Variants in PPFIA2 observed in about 807,000 individuals in gnomAD.
PPFIA2 encodes the protein PPFI scaffold protein A2, also known as liprin-alpha-2.
PPFIA2 carries 46 observed loss-of-function variants against 175.5 expected under a neutral mutation model. The ratio of observed to expected loss-of-function variants is 0.26; its 90% CI spans 0.21 to 0.34. PPFIA2 has a LOEUF of 0.34. Among genes scored for constraint, PPFIA2 ranks in the 10% least tolerant of loss-of-function variants. The pLI is 1.00. For missense variants in PPFIA2, 1,179 were observed against 1,506.1 expected (o/e 0.78, Z 3.60); for synonymous variants, 568 against 511.4 (o/e 1.11, Z -1.49).
At chr12:81,478,377 G>GATTTTT (rs1335280141) in intron 4 of PPFIA2, among the ~76,000 whole-genome samples, 4 of 151,856 alleles carry the variant, frequency 2.6e-5, no homozygotes, top group Non-Finnish European at 5.9e-5. Flanking sequence ...TGGATTCATT[G>GATTTTT]ATTTTTTTGA....
chr12:81,331,592 C>CA (rs918368672), intron 21 of PPFIA2, among the ~76,000 whole-genome samples: 5 of 151,750 alleles, frequency 3.3e-5, no homozygotes, highest in African/African-American at 1.2e-4. Context: ...CATTTAGAGG[C>CA]AAAAAAAGCT....
chr12:81,355,044 T>A (rs2060664297), intron 16 of PPFIA2, among the ~76,000 whole-genome samples: 1 of 152,166 alleles, frequency 6.6e-6, no homozygotes, highest in African/African-American at 2.4e-5. Context: ...TTTGCCCCAA[T>A]CCATCAGAGG....
intron 4 of PPFIA2, among the ~76,000 whole-genome samples, chr12:81,570,828 A>G (rs2072400775): frequency 6.6e-6 from 1 of 151,768 alleles, no homozygotes; most frequent in African/African-American, 2.4e-5. Context: ...CATGTCTACC[A>G]GGAGATATCA....
At position 81,526,189 on chromosome 12, in the gene PPFIA2, C is replaced by A. The variant is rs144166307; in HGVS notation, c.304-68323G>T. On this transcript the variant is annotated intron_variant, in intron 4 of 32. Transcript: ENST00000549396. ...TAGCTTGAGACAGCATTTTTTATTC[C>A]CCTAATCTCAAATGTCAGCATAGGG... Among the ~76,000 whole-genome samples, 318 of 152,120 alleles carry A rather than the reference C, an allele frequency of 2.1e-3. 2 individuals are homozygous for A. Among genetic ancestry groups the A allele is most frequent in the African/African-American group, 7.5e-3 (311 of 41,498 alleles).
intron 4 of PPFIA2, among the ~76,000 whole-genome samples, chr12:81,526,734 G>A (rs1208308060): frequency 6.6e-6 from 1 of 152,084 alleles, no homozygotes; most frequent in African/African-American, 2.4e-5. Flanking sequence ...AAAGATAGAA[G>A]CAACAAATTT....
intron 4 of PPFIA2, among the ~76,000 whole-genome samples, chr12:81,606,331 T>C (rs773455631): frequency 6.6e-5 from 10 of 152,084 alleles, no homozygotes; most frequent in Non-Finnish European, 1.3e-4. Context: ...TTTGAGTATA[T>C]ACCCAGTAAT....
intron 4 of PPFIA2, among the ~76,000 whole-genome samples, chr12:81,459,056 C>A (rs1260967438): frequency 6.6e-6 from 1 of 152,118 alleles, no homozygotes; most frequent in Non-Finnish European, 1.5e-5. Flanking sequence ...TGCTTCAAAT[C>A]ATTTATTTTG....
intron 4 of PPFIA2, among the ~76,000 whole-genome samples, chr12:81,472,301 C>T (rs903808581): frequency 4.6e-5 from 7 of 151,904 alleles, no homozygotes; most frequent in African/African-American, 1.2e-4. Flanking sequence ...CACAATTTTG[C>T]GAATATACTA....
At chr12:81,648,549 G>A (rs116875575) in intron 4 of PPFIA2, among the ~76,000 whole-genome samples, 3 of 151,490 alleles carry the variant, frequency 2.0e-5, no homozygotes, top group African/African-American at 7.3e-5. Context: ...TTAAATATGG[G>A]TAAGATATCA....
chr12:81,643,717 A>G (rs1281796222), intron 4 of PPFIA2, among the ~76,000 whole-genome samples: 1 of 152,024 alleles, frequency 6.6e-6, no homozygotes, highest in Non-Finnish European at 1.5e-5. Flanking sequence ...TGGCTCAACA[A>G]AATCCCATGT....
chr12:81,468,082 C>T (rs1287355864), intron 4 of PPFIA2, among the ~76,000 whole-genome samples: 2 of 152,146 alleles, frequency 1.3e-5, no homozygotes, highest in African/African-American at 4.8e-5. Context: ...ATCTCCCCTT[C>T]ATTTTTCTCC....
rs117069315 is a variant in PPFIA2 at position 81,454,067 on chromosome 12, A to C, written c.405+3698T>G. Among the ~76,000 whole-genome samples the C allele has an allele frequency of 1.2e-3, 176 of 152,096 alleles. 4 individuals carry two copies. The East Asian group carries it at 0.03, about 26-fold the overall frequency. On this transcript the variant is annotated intron_variant, in intron 5 of 32. Transcript: ENST00000549396. ...ACCCCATCTCTACAAAAAATAACAG[A>C]AATTAGCTGGGTATGGTGGCATGTG... is the stretch of plus-strand genomic sequence containing the variant.
rs2057011378 is a variant in PPFIA2 at position 81,335,744 on chromosome 12, A to AAC, written c.2548+3435_2548+3436insGT. On this transcript the variant is annotated intron_variant, in intron 21 of 32. Transcript: ENST00000549396. ...GGTGACAGAGTGAAATTCTGTCTAA[A>AAC]AACAACAACAACAACAACAACAACA... is the stretch of plus-strand genomic sequence containing the variant. Among the ~76,000 whole-genome samples, 19 of 149,394 alleles carry AAC rather than the reference A, an allele frequency of 1.3e-4. 1 individual carries two copies. The highest frequency in any genetic ancestry group is 1.0e-4 in the Non-Finnish European group (7 of 67,084).
chr12:81,509,585 T>G (rs1247583445), intron 4 of PPFIA2, among the ~76,000 whole-genome samples: 3 of 150,490 alleles, frequency 2.0e-5, no homozygotes, highest in Non-Finnish European at 4.4e-5. Context: ...CTTCTGAACC[T>G]GCTCACTCCA....
intron 4 of PPFIA2, among the ~76,000 whole-genome samples, chr12:81,667,114 C>T (rs2070478856): frequency 6.6e-6 from 1 of 152,086 alleles, no homozygotes; most frequent in Non-Finnish European, 1.5e-5. Context: ...AAAATGTTAA[C>T]CATTCTACAT....
In PPFIA2 at chr12:81,274,731, G is replaced by A. The variant is rs115830609; in HGVS notation, c.3310+2586C>T. ...CAGAAAACTATTCATTAAGGTCAGG[G>A]TTAATTCACACTTCAGATAATAAGA... On this transcript the variant is annotated intron_variant, in intron 28 of 32. Transcript: ENST00000549396. Among the ~76,000 whole-genome samples the A allele has an allele frequency of 2.4e-3, 369 of 152,198 alleles. 2 individuals are homozygous for A. Among genetic ancestry groups the A allele is most frequent in the African/African-American group, 8.6e-3 (357 of 41,528 alleles).
chr12:81,629,130 G>A (rs1446825923), intron 4 of PPFIA2, among the ~76,000 whole-genome samples: 2 of 152,020 alleles, frequency 1.3e-5, no homozygotes, highest in Non-Finnish European at 2.9e-5. Context: ...GAGATCATAC[G>A]AGCTTTGAAA....
intron 8 of PPFIA2, among the ~76,000 whole-genome samples, chr12:81,402,067 T>C (rs911026697): frequency 5.9e-5 from 9 of 152,146 alleles, no homozygotes; most frequent in African/African-American, 2.2e-4. Flanking sequence ...GTCAACAGAG[T>C]TCTCAATCCA....
At position 81,676,834 on chromosome 12, in the gene PPFIA2, G is replaced by A; in HGVS notation, c.260C>T (p.Ser87Phe). Residue 87 changes from serine (S) to phenylalanine (F), a missense_variant, in exon 4 of 33, where the codon TCC (serine) becomes TTC (phenylalanine). Ser to Phe is a radical substitution (Grantham distance 155, BLOSUM62 -2). Coordinates refer to ENST00000549396, the MANE Select transcript of PPFIA2 (RefSeq NM_003625.5). Reference sequence around the variant, plus strand: ...AGAACCAGCCAGCCCTCCTGTTAGGGATTCGATATCCTGAAAAGGGGAGAG... The same window carrying A: ...AGAACCAGCCAGCCCTCCTGTTAGGAATTCGATATCCTGAAAAGGGGAGAG... ...LNSALPQDIE[S>F]LTGGLAGSKG... The A allele has an allele frequency of 1.3e-6, 2 of 1,565,610 alleles. No individual in the cohort carries two copies. Among genetic ancestry groups the A allele is most frequent in the Admixed American group, 1.9e-5 (1 of 52,884 alleles).
Sources: allele counts gnomAD v4.1 joint callset (sites outside exome capture counted in the v4.1 genomes callset), GRCh38; gene constraint gnomAD v4.1.1; transcripts MANE v1.5; gene names NCBI Gene and HGNC (gene_info 2026-07-23, HGNC 2026-07-21).